The following ANGPT4 variants were observed in gnomAD, a reference collection of about 807,000 sequenced individuals.
ANGPT4 encodes the protein angiopoietin 4, also known as angiopoietin-4.
In ANGPT4, 50 loss-of-function variants were observed where a neutral mutation model predicts 53.0. The observed-to-expected ratio is 0.94, with a 90% CI of 0.75 to 1.20. The LOEUF (loss-of-function observed/expected upper bound fraction) is 1.20, where lower values mean the gene tolerates loss of function less well. ANGPT4 is among the 50% of genes most tolerant of loss of function. ANGPT4 has a pLI of 0.00. For synonymous variants in ANGPT4, 251 were observed against 259.7 expected, an observed-to-expected ratio of 0.97 and a Z score of 0.32; for missense variants, 648 against 637.1, an observed-to-expected ratio of 1.02 and a Z score of -0.18.
chr20:903,805 G>A (rs1297465409), intron 1 of ANGPT4, among the ~76,000 whole-genome samples: 1 of 152,194 alleles, frequency 6.6e-6, no homozygotes, highest in East Asian at 1.9e-4. Context: ...GACGGTAAAA[G>A]GAAACGGGCT....
intron 3 of ANGPT4, among the ~76,000 whole-genome samples, chr20:887,116 CTGTAT>C (rs1364197437): frequency 6.6e-6 from 1 of 152,204 alleles, no homozygotes; most frequent in Non-Finnish European, 1.5e-5. Flanking sequence ...AGACATTTTA[CTGTAT>C]ATCCACTTGT....
intron 1 of ANGPT4, among the ~76,000 whole-genome samples, chr20:903,391 A>G (rs1161843294): frequency 2.0e-5 from 3 of 152,104 alleles, no homozygotes; most frequent in Non-Finnish European, 4.4e-5. Flanking sequence ...ACTTCTGCCC[A>G]ACCTTGCCAC....
At chr20:895,908 G>A (rs1031384532) in intron 1 of ANGPT4, among the ~76,000 whole-genome samples, 6 of 152,146 alleles carry the variant, frequency 3.9e-5, no homozygotes, top group African/African-American at 1.4e-4. Context: ...GGTGGGGATT[G>A]ATTGTTAAAG....
rs1485773559 is a variant in ANGPT4 at position 911,497 on chromosome 20, A to G, written c.309+4409T>C. Reference sequence around the variant, plus strand: ...GGGAGGGATGGCCTTGGGGTGAGAAAAGGAGGAGCTGAGAAAGAGACAGGA... The same window carrying G: ...GGGAGGGATGGCCTTGGGGTGAGAAGAGGAGGAGCTGAGAAAGAGACAGGA... On this transcript the variant is annotated intron_variant, in intron 1 of 8. Transcript: ENST00000381922. This position sits in a 1 kb window ranked among gnomAD's most constrained non-coding sequence, Gnocchi z 4.9. Among the ~76,000 whole-genome samples the G allele has an allele frequency of 6.6e-6, 1 of 152,110 alleles. No individual in the cohort carries two copies. The highest frequency in any genetic ancestry group is 1.5e-5 in the Non-Finnish European group (1 of 68,014).
rs1447738115 is a variant in ANGPT4 at position 908,117 on chromosome 20, G to T, written c.309+7789C>A. ...AGGGATAAGATTAGGGTCAGACAAAGATGGTGGAAGCTGGCTCAGAGGTCC... is the reference window on the plus strand; with the variant it reads ...AGGGATAAGATTAGGGTCAGACAAATATGGTGGAAGCTGGCTCAGAGGTCC... On this transcript the variant is annotated intron_variant, in intron 1 of 8. Coordinates refer to ENST00000381922, the MANE Select transcript of ANGPT4 (RefSeq NM_015985.4). The surrounding 1 kb of genome is among the most constrained non-coding windows in gnomAD (Gnocchi z 4.9). Among the ~76,000 whole-genome samples, 2 of 152,196 alleles carry T rather than the reference G, an allele frequency of 1.3e-5. No homozygotes were observed. The highest frequency in any genetic ancestry group is 4.8e-5 in the African/African-American group (2 of 41,446).
chr20:902,299 G>C (rs1002192817), intron 1 of ANGPT4, among the ~76,000 whole-genome samples: 6 of 151,944 alleles, frequency 3.9e-5, no homozygotes, highest in African/African-American at 1.5e-4. Context: ...TGGACCCCCA[G>C]GGATCTGTGA....
intron 1 of ANGPT4, among the ~76,000 whole-genome samples, chr20:899,506 GC>G (rs1302915285): frequency 3.9e-5 from 6 of 152,006 alleles, no homozygotes; most frequent in Admixed American, 1.3e-4. Context: ...GCCCGCCTCG[GC>G]CTCCCAAAGT....
Position 876,144 on chromosome 20 carries a change from C to CAA in ANGPT4, c.1221-1732_1221-1731dup, listed in dbSNP as rs3030778. Among the ~76,000 whole-genome samples, 484 of 99,068 alleles carry CAA rather than the reference C, an allele frequency of 4.9e-3. 5 individuals are homozygous for CAA. Among genetic ancestry groups the CAA allele is most frequent in the African/African-American group, 0.014 (413 of 28,982 alleles). The allele number at this position is 99,068 out of a possible 152,430, so 65.0% of individuals were successfully genotyped here. A position where few individuals can be genotyped will look rare whatever the true frequency, so the allele number is the denominator to read the frequency against. ...CTGGGCAACAGAGTAAGCCCTGTCTCAAAAAAAAAAAAAAAAAAAAAGAAG... is the reference window on the plus strand; with the variant it reads ...CTGGGCAACAGAGTAAGCCCTGTCTCAAAAAAAAAAAAAAAAAAAAAAAGAAG... On this transcript the variant is annotated intron_variant, in intron 7 of 8. Coordinates refer to ENST00000381922, the MANE Select transcript of ANGPT4 (RefSeq NM_015985.4).
rs982674713 is a variant in ANGPT4 at position 908,662 on chromosome 20, G to T, written c.309+7244C>A. Among the ~76,000 whole-genome samples, 1 of 152,152 alleles carries T rather than the reference G, an allele frequency of 6.6e-6. No homozygotes were observed. Among genetic ancestry groups the T allele is most frequent in the South Asian group, 2.1e-4 (1 of 4,836 alleles). On this transcript the variant is annotated intron_variant, in intron 1 of 8. Coordinates refer to ENST00000381922, the MANE Select transcript of ANGPT4 (RefSeq NM_015985.4). The surrounding 1 kb of genome is among the most constrained non-coding windows in gnomAD (Gnocchi z 4.9). ...CCTTGTCACTTGCATGGCGCCTGGC[G>T]CATTGTAAGCCCTCAATAAACAGTG...
At position 908,938 on chromosome 20, in the gene ANGPT4, G is replaced by A. The variant is rs752340497; in HGVS notation, c.309+6968C>T. Among the ~76,000 whole-genome samples the A allele has an allele frequency of 2.6e-4, 40 of 152,114 alleles. No individual in the cohort carries two copies. Among genetic ancestry groups the A allele is most frequent in the Non-Finnish European group, 1.9e-4 (13 of 68,022 alleles). On this transcript the variant is annotated intron_variant, in intron 1 of 8. Coordinates refer to ENST00000381922, the MANE Select transcript of ANGPT4 (RefSeq NM_015985.4). This position sits in a 1 kb window ranked among gnomAD's most constrained non-coding sequence, Gnocchi z 4.9. ...GGGTGTCAGGAACCCTGGGTTCTGG[G>A]CCAACTCCTGCCACCGACCCTTGGG...
In ANGPT4 at chr20:888,420, C is replaced by T. The variant is rs1981700387; in HGVS notation, c.485G>A (p.Arg162Lys). Residue 162 changes from arginine to lysine, a missense_variant, in exon 3 of 9, where the codon AGA becomes AAA. By Grantham distance (26) the Arg-to-Lys change is conservative (BLOSUM62 2). Transcript: ENST00000381922. The stretch of plus-strand genomic sequence containing the variant: ...GGTCTCTGGCATCTGGGCATCCATT[C>T]TTGATGTCTGGTTCAGGAGCTGCCC... ...MEAQLLNQTS[R>K]MDAQMPETFL... 1 of 1,613,194 alleles carries T rather than the reference C, an allele frequency of 6.2e-7. No homozygotes were observed. The highest frequency in any genetic ancestry group is 8.5e-7 in the Non-Finnish European group (1 of 1,179,846).
At position 872,929 on chromosome 20, in the gene ANGPT4, T is replaced by C; in HGVS notation, c.*31A>G. On this transcript the variant is annotated 3_prime_UTR_variant, in exon 9 of 9. Transcript: ENST00000381922. ...AGGAGTGCCAAGTCCGAGCTTCTCC[T>C]GTGTGGTCCAGCCTCTGGCACAGCT... 1.2e-6 allele frequency: 2 copies of C among 1,612,584 alleles called. No individual in the cohort carries two copies. Among genetic ancestry groups the C allele is most frequent in the Non-Finnish European group, 1.7e-6 (2 of 1,179,302 alleles).
intron 1 of ANGPT4, among the ~76,000 whole-genome samples, chr20:915,335 GGC>G (rs1982885080): frequency 6.6e-6 from 1 of 151,946 alleles, no homozygotes; most frequent in African/African-American, 2.4e-5. Flanking sequence ...TGGTTCTCCA[GGC>G]ACACACCGCT....
At chr20:879,420 C>A (rs1258496264) in intron 6 of ANGPT4, among the ~76,000 whole-genome samples, 1 of 152,154 alleles carries the variant, frequency 6.6e-6, no homozygotes, top group Admixed American at 6.5e-5. Context: ...TTCATTAAAG[C>A]AACGCAGTCA....
In ANGPT4 at chr20:871,581, A is replaced by G. The variant is rs1980941350; in HGVS notation, c.*1379T>C. 1 of 152,460 alleles carries G rather than the reference A, an allele frequency of 6.6e-6. No homozygotes were observed. Among genetic ancestry groups the G allele is most frequent in the Non-Finnish European group, 1.5e-5 (1 of 68,238 alleles). 9.4% of individuals were successfully genotyped at this position (152,460 alleles called of 1,614,324 possible). A position where few individuals can be genotyped will look rare whatever the true frequency, so the allele number is the denominator to read the frequency against. On this transcript the variant is annotated 3_prime_UTR_variant, in exon 9 of 9. Coordinates refer to ENST00000381922, the MANE Select transcript of ANGPT4 (RefSeq NM_015985.4). ...GCAGAGGCCTTATCTCCTCCCCTGC[A>G]GCTCCCCACCTACCACCACAGAGGC...
At chr20:897,334 T>A (rs1352633267) in intron 1 of ANGPT4, among the ~76,000 whole-genome samples, 1 of 152,170 alleles carries the variant, frequency 6.6e-6, no homozygotes, top group African/African-American at 2.4e-5. Context: ...GATCCTCAGA[T>A]CAAACAGCCC....
Position 896,530 on chromosome 20 carries a change from A to G in ANGPT4, c.310-6162T>C, listed in dbSNP as rs569806432. Among the ~76,000 whole-genome samples, 235 of 152,348 alleles carry G rather than the reference A, an allele frequency of 1.5e-3. 5 individuals are homozygous for G. The highest frequency in any genetic ancestry group is 3.1e-3 in the Non-Finnish European group (210 of 68,038). ...GAGCGTGTCTGGTATTTGAGGATCA[A>G]AATGAAGATGGTAACAATGATATGC... On this transcript the variant is annotated intron_variant, in intron 1 of 8. Transcript: ENST00000381922.
In ANGPT4 at chr20:878,325, G is replaced by A; in HGVS notation, c.1056C>T (p.Gly352=). The change falls in exon 7 of 9, where the codon GGC becomes GGT. Residue 352 remains glycine (G), a splice_region_variant and synonymous_variant. Coordinates refer to ENST00000381922, the MANE Select transcript of ANGPT4 (RefSeq NM_015985.4). ...FQRNWKDYKQ[G]FGDPAGEHWL... ...AGTGCTCCCCAGCTGGGTCTCCGAA[G>A]CCCTATAGGGAGGGGAGCGTGGGGT... 2 of 1,597,540 alleles carry A rather than the reference G, an allele frequency of 1.3e-6. No homozygotes were observed. Among genetic ancestry groups the A allele is most frequent in the African/African-American group, 1.3e-5 (1 of 74,780 alleles).
chr20:887,012 A>C (rs984172603), intron 3 of ANGPT4, among the ~76,000 whole-genome samples: 13 of 152,208 alleles, frequency 8.5e-5, no homozygotes, highest in African/African-American at 3.1e-4. Flanking sequence ...TTGAAAAATA[A>C]TTGTTGGTTG....
Sources: allele counts gnomAD v4.1 joint callset (sites outside exome capture counted in the v4.1 genomes callset), GRCh38; gene constraint gnomAD v4.1.1; non-coding constraint Gnocchi (gnomAD v3.1); transcripts MANE v1.5; gene names NCBI Gene and HGNC (gene_info 2026-07-23, HGNC 2026-07-21).